Variants in DCHS2 observed in about 807,000 individuals in gnomAD.
DCHS2 encodes the protein protocadherin-23.
In DCHS2, 142 loss-of-function variants were observed where a neutral mutation model predicts 182.4. The ratio of observed to expected loss-of-function variants is 0.78; its 90% CI spans 0.68 to 0.89. The LOEUF (loss-of-function observed/expected upper bound fraction) is 0.89. Ranked by LOEUF, DCHS2 falls within the 40% of genes least tolerant of loss-of-function variation. The pLI is 0.00. For missense variants in DCHS2, 4,319 were observed against 4,198.6 expected (o/e 1.03, Z -0.79); for synonymous variants, 1,740 against 1,663.3 (o/e 1.05, Z -1.12).
At chr4:154,481,511 C>T (rs765939541) in intron 1 of DCHS2, among the ~76,000 whole-genome samples, 2 of 152,160 alleles carry the variant, frequency 1.3e-5, no homozygotes, top group African/African-American at 4.8e-5. Flanking sequence ...TCCACCTCAG[C>T]CTCCCAAAGT....
At chr4:154,393,945 C>T (rs1731819801) in intron 1 of DCHS2, among the ~76,000 whole-genome samples, 1 of 152,092 alleles carries the variant, frequency 6.6e-6, no homozygotes, top group Non-Finnish European at 1.5e-5. Flanking sequence ...ATTCCTCAGT[C>T]TCAGACACAT....
intron 1 of DCHS2, among the ~76,000 whole-genome samples, chr4:154,416,413 T>C (rs1167010011): frequency 3.9e-5 from 6 of 152,152 alleles, no homozygotes; most frequent in African/African-American, 1.4e-4. Context: ...CAACATCTTT[T>C]CTTTTTCTTT....
Position 154,340,344 on chromosome 4 carries a change from G to A in DCHS2, c.2477-5240C>T, listed in dbSNP as rs903951859. Among the ~76,000 whole-genome samples, 7 of 152,120 alleles carry A rather than the reference G, an allele frequency of 4.6e-5. No individual in the cohort carries two copies. The South Asian group carries it at 6.2e-4, about 14-fold the overall frequency. ...CTGGAGAAGCTGTCTATATAAAGCC[G>A]AACATGAAAAATAATGTTTCAAATA... On this transcript the variant is annotated intron_variant, in intron 3 of 19. Transcript: ENST00000357232.
chr4:154,270,807 G>T (rs983131520), intron 13 of DCHS2, among the ~76,000 whole-genome samples: 3 of 151,714 alleles, frequency 2.0e-5, no homozygotes, highest in Non-Finnish European at 2.9e-5. Flanking sequence ...CTGGAGGTGG[G>T]AGTGGGAAAG....
chr4:154,439,460 TAC>T (rs754433159), intron 1 of DCHS2, among the ~76,000 whole-genome samples: 18 of 152,184 alleles, frequency 1.2e-4, no homozygotes, highest in Non-Finnish European at 2.2e-4. Context: ...TAGTTAATAT[TAC>T]ACTGAAGAAC....
chr4:154,472,949 T>C (rs1194013303), intron 1 of DCHS2, among the ~76,000 whole-genome samples: 1 of 152,170 alleles, frequency 6.6e-6, no homozygotes, highest in Non-Finnish European at 1.5e-5. Flanking sequence ...GCCAACTCAT[T>C]TTCATTATTA....
intron 3 of DCHS2, among the ~76,000 whole-genome samples, chr4:154,343,180 G>A (rs1260988136): frequency 6.6e-6 from 1 of 152,082 alleles, no homozygotes; most frequent in Non-Finnish European, 1.5e-5. Context: ...TCTGTAAACA[G>A]ATAACATCTG....
intron 16 of DCHS2, among the ~76,000 whole-genome samples, chr4:154,245,187 C>T (rs996329061): frequency 6.6e-6 from 1 of 152,138 alleles, no homozygotes; most frequent in African/African-American, 2.4e-5. Flanking sequence ...CTGTACACAA[C>T]CTCTGCAAGA....
intron 1 of DCHS2, among the ~76,000 whole-genome samples, chr4:154,394,865 C>G (rs1458428270): frequency 3.3e-5 from 5 of 152,220 alleles, no homozygotes; most frequent in Non-Finnish European, 7.3e-5. Flanking sequence ...CATGGCCTTT[C>G]CAGGCCTAGC....
intron 1 of DCHS2, among the ~76,000 whole-genome samples, chr4:154,400,172 G>A (rs564572670): frequency 5.7e-4 from 87 of 151,900 alleles, no homozygotes; most frequent in African/African-American, 1.7e-3. Flanking sequence ...GCGTGGTGGC[G>A]GGTGCCTGTA....
intron 1 of DCHS2, among the ~76,000 whole-genome samples, chr4:154,436,943 A>C (rs907892542): frequency 2.0e-5 from 3 of 152,228 alleles, no homozygotes; most frequent in Non-Finnish European, 4.4e-5. Context: ...TCTTTAAATA[A>C]CATATAGTAT....
At chr4:154,285,255 G>A (rs1734340706) in intron 13 of DCHS2, among the ~76,000 whole-genome samples, 1 of 152,120 alleles carries the variant, frequency 6.6e-6, no homozygotes, top group Admixed American at 6.5e-5. Flanking sequence ...TGAACCCTGG[G>A]CGAGACTCAG....
Position 154,391,371 on chromosome 4 carries a change from G to T in DCHS2, c.2053-13927C>A. 2.0e-6 allele frequency: 3 copies of T among 1,517,214 alleles called. No individual in the cohort carries two copies. The South Asian group carries it at 3.8e-5, about 19-fold the overall frequency. The allele number at this position is 1,517,214 out of a possible 1,614,324, so 94.0% of individuals were successfully genotyped here. A position where few individuals can be genotyped will look rare whatever the true frequency, so the allele number is the denominator to read the frequency against. ...GCATGAACCCTTTCCTTGTGCTACA[G>T]GTTCACATATGGAAATACCTCCATG... On this transcript the variant is annotated intron_variant, in intron 1 of 19. Coordinates refer to ENST00000357232, the MANE Select transcript of DCHS2 (RefSeq NM_001358235.2).
At chr4:154,374,617 A>C (rs183043308) in intron 2 of DCHS2, among the ~76,000 whole-genome samples, 1 of 152,310 alleles carries the variant, frequency 6.6e-6, no homozygotes, top group East Asian at 1.9e-4. Flanking sequence ...TATTTATTGA[A>C]TATAAAGGGC....
intron 3 of DCHS2, chr4:154,343,607 A>T (rs1291451997): frequency 1.3e-6 from 2 of 1,516,564 alleles, no homozygotes; most frequent in African/African-American, 2.8e-5. Flanking sequence ...TGCTAGCTTC[A>T]AATTTTTTTT....
At chr4:154,395,456 G>T (rs1579043848) in intron 1 of DCHS2, among the ~76,000 whole-genome samples, 1 of 152,072 alleles carries the variant, frequency 6.6e-6, no homozygotes, top group Non-Finnish European at 1.5e-5. Flanking sequence ...TCCTTATACA[G>T]GTCTTCCCAC....
chr4:154,240,620 C>G lies in DCHS2; in HGVS notation c.7276G>C (p.Val2426Leu). Reference sequence around the variant, plus strand: ...ACAAGTGCTCCCTCTGTGTAGTGCACTGAATCAGAAATTTGGATGAGCAGC... The same window carrying G: ...ACAAGTGCTCCCTCTGTGTAGTGCAGTGAATCAGAAATTTGGATGAGCAGC... ...YELLIQISDS[V>L]HYTEGALVVR... The change falls in exon 18 of 20, where the codon GTG (valine) becomes CTG (leucine). Residue 2426 changes from valine (V) to leucine (L), a missense_variant. Val to Leu is a conservative substitution (Grantham distance 32, BLOSUM62 1). Transcript: ENST00000357232. The G allele has an allele frequency of 1.2e-6, 2 of 1,613,922 alleles. No individual in the cohort carries two copies. The highest frequency in any genetic ancestry group is 1.7e-6 in the Non-Finnish European group (2 of 1,179,910).
rs1728760027 is a variant in DCHS2 at position 154,490,273 on chromosome 4, C to T, written c.1083G>A (p.Leu361=). 2.6e-6 allele frequency: 4 copies of T among 1,548,746 alleles called. No individual in the cohort carries two copies. The Admixed American group carries it at 5.9e-5, about 23-fold the overall frequency. Residue 361 remains leucine (L), a synonymous_variant, in exon 1 of 20, where the codon CTG becomes CTA. Coordinates refer to ENST00000357232, the MANE Select transcript of DCHS2 (RefSeq NM_001358235.2). ...GTCTCCACACTCGCACCACGCCGCT[C>T]AGCTCCTCCACCGCGAAGTAGGCCG... ...GDAAYFAVEE[L]SGVVRVWRPL... is the part of the protein sequence containing the mutation.
intron 1 of DCHS2, among the ~76,000 whole-genome samples, chr4:154,412,153 G>A (rs1355340773): frequency 6.6e-6 from 1 of 152,026 alleles, no homozygotes; most frequent in Non-Finnish European, 1.5e-5. Flanking sequence ...TTCCCAAAGA[G>A]AGAGAGAAAA....
Sources: gnomAD v4.1 joint callset for allele counts (sites outside exome capture counted in the v4.1 genomes callset) on GRCh38, gnomAD v4.1.1 for gene constraint, MANE v1.5 for transcripts, NCBI Gene and HGNC (gene_info 2026-07-23, HGNC 2026-07-21) for gene names.